Variants in DNM3 observed in about 807,000 individuals in gnomAD.
DNM3 encodes the protein dynamin-3.
Under a neutral mutation model 101.6 loss-of-function variants are expected in DNM3, and 47 were observed. The ratio of observed to expected loss-of-function variants is 0.46; its 90% CI spans 0.37 to 0.59. The LOEUF is 0.59. Among genes scored for constraint, DNM3 ranks in the 20% least tolerant of loss-of-function variants. The pLI is 0.00. For missense variants in DNM3, 849 were observed against 1,085.7 expected (o/e 0.78, Z 3.06); for synonymous variants, 385 against 387.9 (o/e 0.99, Z 0.09).
chr1:171,864,593 C>T (rs2034523239), intron 1 of DNM3: 1 of 152,172 alleles, frequency 6.6e-6, no homozygotes, highest in Admixed American at 6.5e-5. Context: ...GAAAAAGGGG[C>T]TTTCCTATTA....
intron 1 of DNM3, among the ~76,000 whole-genome samples, chr1:171,876,054 C>A (rs1039980597): frequency 1.3e-5 from 2 of 151,898 alleles, no homozygotes; most frequent in African/African-American, 4.8e-5. Flanking sequence ...TGTGATCCGC[C>A]CCCCTCGGCC....
chr1:172,098,867 A>C (rs1377071811), intron 13 of DNM3, among the ~76,000 whole-genome samples: 1 of 152,208 alleles, frequency 6.6e-6, no homozygotes, highest in Admixed American at 6.5e-5. Flanking sequence ...GTCAATAGTT[A>C]GATGTTTCTA....
Position 172,408,299 on chromosome 1 carries a change from T to G in DNM3, c.*458T>G. On this transcript the variant is annotated 3_prime_UTR_variant, in exon 21 of 21. Coordinates refer to ENST00000627582, the MANE Select transcript of DNM3 (RefSeq NM_015569.5). ...GTCTACCATTAATGCTACTACCTAC[T>G]CCATAATTGCCTATTTAGCTCCTCT... 5 of 987,240 alleles carry G rather than the reference T, an allele frequency of 5.1e-6. No individual in the cohort carries two copies. Among genetic ancestry groups the G allele is most frequent in the Non-Finnish European group, 6.0e-6 (5 of 831,056 alleles). The allele number at this position is 987,240 out of a possible 1,614,324, so 61.2% of individuals were successfully genotyped here.
At position 172,290,210 on chromosome 1, in the gene DNM3, CAG is replaced by C. The variant is rs2063851098; in HGVS notation, c.1770-18516_1770-18515del. 1.8e-5 allele frequency: 3 copies of C among 162,524 alleles called. No homozygotes were observed. In the South Asian group the frequency reaches 6.0e-4, roughly 33 times the overall value. 10.1% of individuals were successfully genotyped at this position (162,524 alleles called of 1,614,324 possible). On this transcript the variant is annotated intron_variant, in intron 15 of 20. Transcript: ENST00000627582. ...CTTGTGCTGTAGTTAGATGAGGCAG[CAG>C]ATAGTTAACATACCTAATTTTACAT...
intron 13 of DNM3, among the ~76,000 whole-genome samples, chr1:172,100,371 A>G (rs775772246): frequency 2.0e-4 from 31 of 152,254 alleles, no homozygotes; most frequent in Admixed American, 9.2e-4. Flanking sequence ...TCAGAAAATT[A>G]TAAATGGACC....
chr1:171,903,058 G>A (rs2038510638), intron 1 of DNM3, among the ~76,000 whole-genome samples: 1 of 151,984 alleles, frequency 6.6e-6, no homozygotes, highest in African/African-American at 2.4e-5. Flanking sequence ...GGGAGGATGG[G>A]GTGGGAGGAT....
intron 16 of DNM3, among the ~76,000 whole-genome samples, chr1:172,314,238 T>G (rs908112493): frequency 6.6e-6 from 1 of 151,936 alleles, no homozygotes; most frequent in Non-Finnish European, 1.5e-5. Flanking sequence ...ATAAAGAAAA[T>G]GTGGCACAGG....
chr1:171,860,255 A>T (rs1056398080), intron 1 of DNM3, among the ~76,000 whole-genome samples: 1 of 152,188 alleles, frequency 6.6e-6, no homozygotes, highest in African/African-American at 2.4e-5. Context: ...TAACGAATTC[A>T]GTTAAGTATG....
rs758057163 is a variant in DNM3, at chr1:172,354,794, A to G, written c.1894-24224A>G. On this transcript the variant is annotated intron_variant, in intron 17 of 20. Transcript: ENST00000627582. ...GGGGCATTTGCTATCACTGCACACA[A>G]GAGCTTTGGATGTACTTAGACATAT... 2.6e-5 allele frequency among the ~76,000 whole-genome samples: 4 copies of G among 152,138 alleles called. No individual in the cohort carries two copies. In the South Asian group the frequency reaches 6.2e-4, roughly 24 times the overall value.
At chr1:172,329,229 T>A (rs2066077984) in intron 17 of DNM3, among the ~76,000 whole-genome samples, 1 of 152,006 alleles carries the variant, frequency 6.6e-6, no homozygotes, top group South Asian at 2.1e-4. Context: ...ATAAGTGAGA[T>A]TCAAAAGATA....
At chr1:172,261,361 T>C (rs1230725898) in intron 15 of DNM3, among the ~76,000 whole-genome samples, 1 of 152,056 alleles carries the variant, frequency 6.6e-6, no homozygotes, top group Non-Finnish European at 1.5e-5. Flanking sequence ...TGGTGTAGTC[T>C]CTGTATGACT....
chr1:172,008,887 A>G (rs1303700783), intron 4 of DNM3, among the ~76,000 whole-genome samples: 1 of 139,488 alleles, frequency 7.2e-6, no homozygotes, highest in African/African-American at 2.6e-5. Flanking sequence ...AATATATTAT[A>G]TTAAAATATT....
intron 15 of DNM3, among the ~76,000 whole-genome samples, chr1:172,275,815 T>C (rs902269335): frequency 2.0e-5 from 3 of 152,260 alleles, no homozygotes; most frequent in Non-Finnish European, 4.4e-5. Flanking sequence ...GCCTTGAAAT[T>C]TCTCCTTGAA....
intron 2 of DNM3, among the ~76,000 whole-genome samples, chr1:171,983,634 C>T (rs1037441106): frequency 2.0e-5 from 3 of 152,142 alleles, no homozygotes; most frequent in Admixed American, 1.3e-4. Context: ...TTAGTGATCT[C>T]ATCACTTACC....
chr1:171,968,157 G>A (rs1366849022), intron 2 of DNM3, among the ~76,000 whole-genome samples: 3 of 152,128 alleles, frequency 2.0e-5, no homozygotes, highest in South Asian at 2.1e-4. Flanking sequence ...CTAAACACAC[G>A]GAAAATGCTC....
At chr1:172,130,331 G>A (rs1558616285) in intron 13 of DNM3, among the ~76,000 whole-genome samples, 1 of 152,054 alleles carries the variant, frequency 6.6e-6, no homozygotes, top group Non-Finnish European at 1.5e-5. Context: ...AGAGGACATG[G>A]TAAATGATGC....
At chr1:171,978,532 G>A (rs1571924530) in intron 2 of DNM3, among the ~76,000 whole-genome samples, 1 of 152,160 alleles carries the variant, frequency 6.6e-6, no homozygotes, top group African/African-American at 2.4e-5. Context: ...GGAGGCAGAT[G>A]GGTGGCAGAC....
chr1:172,329,579 A>T (rs12730307), intron 17 of DNM3, among the ~76,000 whole-genome samples: 1 of 152,146 alleles, frequency 6.6e-6, no homozygotes, highest in Non-Finnish European at 1.5e-5. Flanking sequence ...AAATTAATGA[A>T]TTAGAAAATA....
rs78420203 is a variant in DNM3 at position 171,989,088 on chromosome 1, G to T, written c.529G>T (p.Ala177Ser). ...CTGTCTGATTTTAGCTGTTACTCCAGCCAACACTGATCTTGCAAACTCAGA... is the reference window on the plus strand; with the variant it reads ...CTGTCTGATTTTAGCTGTTACTCCATCCAACACTGATCTTGCAAACTCAGA... ...ENCLILAVTPANTDLANSDAL... is the reference protein window; with the variant it reads ...ENCLILAVTPSNTDLANSDAL... Residue 177 changes from alanine to serine, a missense_variant, in exon 4 of 21, where the codon GCC becomes TCC. Transcript: ENST00000627582. The T allele has an allele frequency of 5.6e-6, 9 of 1,613,018 alleles. No individual in the cohort carries two copies. The highest frequency in any genetic ancestry group is 6.8e-6 in the Non-Finnish European group (8 of 1,179,472).
Sources: allele counts gnomAD v4.1 joint callset (sites outside exome capture counted in the v4.1 genomes callset), GRCh38; gene constraint gnomAD v4.1.1; transcripts MANE v1.5; gene names NCBI Gene and HGNC (gene_info 2026-07-23, HGNC 2026-07-21).